The following PAX5 variants were observed in gnomAD, a reference collection of about 807,000 sequenced individuals.
PAX5 encodes the protein paired box 5.
PAX5 carries 9 observed loss-of-function variants against 43.7 expected under a neutral mutation model. That is an observed-to-expected ratio of 0.21 (90% CI 0.12 to 0.36). The LOEUF (loss-of-function observed/expected upper bound fraction) is 0.36, where lower values mean the gene tolerates loss of function less well. Ranked by LOEUF, PAX5 falls within the 10% of genes least tolerant of loss-of-function variation. The pLI, the probability that PAX5 is intolerant of heterozygous loss-of-function variation, is 1.00. For missense variants in PAX5, 383 were observed against 532.7 expected, an observed-to-expected ratio of 0.72 and a Z score of 2.77; for synonymous variants, 228 against 214.3, an observed-to-expected ratio of 1.06 and a Z score of -0.56.
At chr9:36,990,884 T>C (rs1836874880) in intron 5 of PAX5, among the ~76,000 whole-genome samples, 1 of 152,020 alleles carries the variant, frequency 6.6e-6, no homozygotes, top group Non-Finnish European at 1.5e-5. Flanking sequence ...CCAAGACAGG[T>C]GGATTGCTTG....
At chr9:36,978,615 A>T (rs1467129323) in intron 5 of PAX5, among the ~76,000 whole-genome samples, 1 of 152,214 alleles carries the variant, frequency 6.6e-6, no homozygotes, top group African/African-American at 2.4e-5. Flanking sequence ...CCCAAGGACG[A>T]TATAACTAAA....
At chr9:36,960,621 C>G (rs1833886988) in intron 6 of PAX5, among the ~76,000 whole-genome samples, 1 of 152,214 alleles carries the variant, frequency 6.6e-6, no homozygotes, top group Non-Finnish European at 1.5e-5. Context: ...GTGAAGGTTG[C>G]TTCCAAGGTG....
rs977400019 is a variant in PAX5 at position 36,840,084 on chromosome 9, G to A, written c.*476C>T. On this transcript the variant is annotated 3_prime_UTR_variant, in exon 10 of 10. Coordinates refer to ENST00000358127, the MANE Select transcript of PAX5 (RefSeq NM_016734.3). ...GCTCTGCCATAGGTCTAAGATGTCC[G>A]GTGATGCACCAAGAGTGCGAGATGC... is the stretch of plus-strand genomic sequence containing the variant. 1.0e-4 allele frequency: 32 copies of A among 310,094 alleles called. No individual in the cohort carries two copies. Among genetic ancestry groups the A allele is most frequent in the Admixed American group, 2.3e-4 (5 of 21,664 alleles). 19.2% of individuals were successfully genotyped at this position (310,094 alleles called of 1,614,324 possible). A position where few individuals can be genotyped will look rare whatever the true frequency, so the allele number is the denominator to read the frequency against.
intron 8 of PAX5, among the ~76,000 whole-genome samples, chr9:36,866,896 G>A (rs915107365): frequency 5.5e-5 from 8 of 145,808 alleles, no homozygotes; most frequent in South Asian, 2.2e-4. Flanking sequence ...CACAGGCACA[G>A]CCCAATCTAC....
At chr9:37,027,298 ACCCGCTG>A (rs1276072325) in intron 1 of PAX5, among the ~76,000 whole-genome samples, 1 of 152,116 alleles carries the variant, frequency 6.6e-6, no homozygotes, top group Non-Finnish European at 1.5e-5. Context: ...CAACACTGAG[ACCCGCTG>A]CCTTCAAAGT....
rs371167196 is a variant in PAX5, at chr9:37,022,886, A to G, written c.47-2085T>C. Reference sequence around the variant, plus strand: ...ACCTGGGAGCCTGTTACCTTCCTCAACTTCCTTGAAAGGTCCCCAAGACCC... The same window carrying G: ...ACCTGGGAGCCTGTTACCTTCCTCAGCTTCCTTGAAAGGTCCCCAAGACCC... On this transcript the variant is annotated intron_variant, in intron 1 of 9. Coordinates refer to ENST00000358127, the MANE Select transcript of PAX5 (RefSeq NM_016734.3). 1.8e-4 allele frequency among the ~76,000 whole-genome samples: 27 copies of G among 152,228 alleles called. 1 individual carries two copies. In the East Asian group the frequency reaches 2.5e-3, roughly 14 times the overall value.
At chr9:36,955,995 T>A (rs922666695) in intron 6 of PAX5, among the ~76,000 whole-genome samples, 1 of 152,234 alleles carries the variant, frequency 6.6e-6, no homozygotes. Flanking sequence ...CCGACTTCCT[T>A]AAGTCAAACT....
At chr9:36,953,443 C>A (rs1177284892) in intron 6 of PAX5, among the ~76,000 whole-genome samples, 2 of 152,140 alleles carry the variant, frequency 1.3e-5, no homozygotes, top group African/African-American at 4.8e-5. Flanking sequence ...CTCCTTCCGG[C>A]AACCTAATTA....
chr9:36,905,805 G>C (rs1002204729), intron 7 of PAX5, among the ~76,000 whole-genome samples: 2 of 152,230 alleles, frequency 1.3e-5, no homozygotes, highest in Non-Finnish European at 2.9e-5. Flanking sequence ...ATGGGCTCCA[G>C]AGGTGTCTGA....
At chr9:37,021,679 C>A (rs776779867) in intron 1 of PAX5, among the ~76,000 whole-genome samples, 1 of 152,166 alleles carries the variant, frequency 6.6e-6, no homozygotes, top group Non-Finnish European at 1.5e-5. Flanking sequence ...CCTCCTCCAC[C>A]CTTCTCTTAC....
intron 6 of PAX5, among the ~76,000 whole-genome samples, chr9:36,948,680 A>G (rs187930215): frequency 5.9e-4 from 90 of 152,242 alleles, no homozygotes; most frequent in African/African-American, 2.0e-3. Context: ...AGTCTGGGGA[A>G]GAAAAAGTTC....
Position 36,833,936 on chromosome 9 carries a change from T to C in PAX5, c.*6624A>G, listed in dbSNP as rs1821457351. The C allele has an allele frequency of 4.3e-6, 1 of 232,802 alleles. No homozygotes were observed. Among genetic ancestry groups the C allele is most frequent in the Admixed American group, 5.6e-5 (1 of 17,756 alleles). The allele number at this position is 232,802 out of a possible 1,614,324, so 14.4% of individuals were successfully genotyped here. ...CAAACTTTGGCGGATACAGTAGATATGTATTTCTTTGATGCTGAAAGGTCA... is the reference window on the plus strand; with the variant it reads ...CAAACTTTGGCGGATACAGTAGATACGTATTTCTTTGATGCTGAAAGGTCA... On this transcript the variant is annotated 3_prime_UTR_variant, in exon 10 of 10. Transcript: ENST00000358127.
intron 5 of PAX5, among the ~76,000 whole-genome samples, chr9:36,986,949 G>C (rs957678618): frequency 2.0e-4 from 31 of 152,204 alleles, no homozygotes; most frequent in African/African-American, 7.2e-4. Flanking sequence ...CCCAGTGCCT[G>C]GGTGTCCAGA....
chr9:36,920,058 T>C (rs1330106793), intron 7 of PAX5, among the ~76,000 whole-genome samples: 1 of 152,096 alleles, frequency 6.6e-6, no homozygotes, highest in Non-Finnish European at 1.5e-5. Context: ...TGTACTGAAT[T>C]GCTGCCATCT....
Position 37,015,910 on chromosome 9 carries a change from C to T in PAX5, c.213-716G>A, listed in dbSNP as rs1839348335. Among the ~76,000 whole-genome samples, 1 of 152,238 alleles carries T rather than the reference C, an allele frequency of 6.6e-6. No homozygotes were observed. Among genetic ancestry groups the T allele is most frequent in the African/African-American group, 2.4e-5 (1 of 41,470 alleles). The stretch of plus-strand genomic sequence containing the variant: ...CTCATTGTATTTCTATTGGACAGCA[C>T]TGGCTAAGCATTAACAAAATTCTTT... On this transcript the variant is annotated intron_variant, in intron 2 of 9. Transcript: ENST00000358127. The surrounding 1 kb of genome is among the most constrained non-coding windows in gnomAD (Gnocchi z 4.4).
intron 8 of PAX5, among the ~76,000 whole-genome samples, chr9:36,858,886 G>A (rs936184766): frequency 3.9e-5 from 6 of 152,146 alleles, no homozygotes; most frequent in South Asian, 2.1e-4. Context: ...ATGTCCCGCC[G>A]CTGACTAATG....
intron 6 of PAX5, among the ~76,000 whole-genome samples, chr9:36,954,594 A>G (rs952556881): frequency 6.6e-6 from 1 of 152,228 alleles, no homozygotes; most frequent in African/African-American, 2.4e-5. Context: ...GAGCCCTGTC[A>G]GTCTAAATGT....
At chr9:36,970,499 T>C (rs1196486769) in intron 5 of PAX5, among the ~76,000 whole-genome samples, 1 of 152,174 alleles carries the variant, frequency 6.6e-6, no homozygotes, top group East Asian at 1.9e-4. Flanking sequence ...GGGAAACATG[T>C]GCCCTCCACA....
chr9:36,919,839 C>CAA lies in PAX5; in HGVS notation c.910+3514_910+3515dup, dbSNP rs61173333. 1.7e-3 allele frequency among the ~76,000 whole-genome samples: 112 copies of CAA among 66,208 alleles called. 8 individuals carry two copies. The highest frequency in any genetic ancestry group is 3.2e-3 in the African/African-American group (48 of 14,810). 43.4% of individuals were successfully genotyped at this position (66,208 alleles called of 152,430 possible). ...TGGGCAACAGAGTGAGACTCTGTCT[C>CAA]AAAAAAAAAAAAAAAAAAAAAAAAA... is the stretch of plus-strand genomic sequence containing the variant. On this transcript the variant is annotated intron_variant, in intron 7 of 9. Coordinates refer to ENST00000358127, the MANE Select transcript of PAX5 (RefSeq NM_016734.3).
Sources: allele counts gnomAD v4.1 joint callset (sites outside exome capture counted in the v4.1 genomes callset), GRCh38; gene constraint gnomAD v4.1.1; non-coding constraint Gnocchi (gnomAD v3.1); transcripts MANE v1.5; gene names NCBI Gene and HGNC (gene_info 2026-07-23, HGNC 2026-07-21).